The following DNAJA3 variants were observed in gnomAD, a reference collection of about 807,000 sequenced individuals.
The protein encoded by DNAJA3 is dnaJ homolog subfamily A member 3, mitochondrial.
Under a neutral mutation model 54.9 loss-of-function variants are expected in DNAJA3, and 29 were observed. The ratio of observed to expected loss-of-function variants is 0.53; its 90% CI spans 0.39 to 0.72. DNAJA3 has a LOEUF of 0.72. DNAJA3 is among the 30% of genes least tolerant of loss of function. The pLI is 0.00. For synonymous variants in DNAJA3, 302 were observed against 251.4 expected (o/e 1.20, Z -1.90); for missense variants, 708 against 639.4 (o/e 1.11, Z -1.16).
chr16:4,450,360 C>T, intron 9 of DNAJA3, 40 bp from the exon 10 acceptor site: 2 of 1,533,560 alleles, frequency 1.3e-6, no homozygotes, highest in Non-Finnish European at 8.8e-7. Flanking sequence ...CCAAAGCTTC[C>T]CGGCGGAAGC....
intron 1 of DNAJA3, chr16:4,427,407 A>G (rs1210491254): frequency 6.6e-6 from 1 of 152,228 alleles, no homozygotes; most frequent in Non-Finnish European, 1.5e-5. Flanking sequence ...AGTTTGTAAT[A>G]GTTACATAGT....
chr16:4,455,446 C>T (rs187279836), intron 11 of DNAJA3, 100 bp from the exon 12 acceptor site: 7 of 1,435,558 alleles, frequency 4.9e-6, no homozygotes, highest in African/African-American at 1.4e-5. Context: ...TCGCCCCTCT[C>T]TTGGCACAGC....
intron 1 of DNAJA3, among the ~76,000 whole-genome samples, chr16:4,431,309 C>T (rs2056697477): frequency 6.6e-6 from 1 of 152,236 alleles, no homozygotes; most frequent in South Asian, 2.1e-4. Flanking sequence ...TAAGTCAGGT[C>T]TAGTGTTTTC....
At chr16:4,427,998 C>G (rs1392314902) in intron 1 of DNAJA3, among the ~76,000 whole-genome samples, 1 of 151,794 alleles carries the variant, frequency 6.6e-6, no homozygotes, top group Non-Finnish European at 1.5e-5. Context: ...GTTGCCCAGG[C>G]TGGAGTGCAG....
chr16:4,436,190 A>G (rs2056770413), intron 2 of DNAJA3, among the ~76,000 whole-genome samples: 1 of 151,886 alleles, frequency 6.6e-6, no homozygotes, highest in Non-Finnish European at 1.5e-5. Context: ...ATTGGGTTGT[A>G]ATGGAATGAA....
intron 1 of DNAJA3, chr16:4,431,051 G>GA (rs1442360848): frequency 1.3e-5 from 2 of 151,950 alleles, no homozygotes; most frequent in African/African-American, 4.8e-5. Flanking sequence ...CTCAAAAAAA[G>GA]AAAAAACAAA....
chr16:4,434,337 T>G, intron 1 of DNAJA3, 47 bp from the exon 2 acceptor site: 1 of 1,597,534 alleles, frequency 6.3e-7, no homozygotes, highest in Non-Finnish European at 8.5e-7. Flanking sequence ...AGTTTTCTTT[T>G]GTTGAGAACA....
At chr16:4,443,888 G>A (rs145002437) in intron 6 of DNAJA3, among the ~76,000 whole-genome samples, 2 of 152,154 alleles carry the variant, frequency 1.3e-5, no homozygotes, top group East Asian at 1.9e-4. Flanking sequence ...GGGTTTCATC[G>A]TGTTAGCCAG....
intron 10 of DNAJA3, among the ~76,000 whole-genome samples, chr16:4,452,283 C>T (rs566443029): frequency 6.6e-6 from 1 of 152,204 alleles, no homozygotes; most frequent in East Asian, 1.9e-4. Flanking sequence ...TTCCTCAAAC[C>T]CTACAATCAC....
At chr16:4,448,891 G>A (rs200564053) in intron 9 of DNAJA3, 43 bp downstream of exon 9, 43 of 1,467,290 alleles carry the variant, frequency 2.9e-5, no homozygotes, top group Middle Eastern at 1.8e-4. Context: ...CTGGTCCTGC[G>A]GTGGCACTGC....
intron 1 of DNAJA3, among the ~76,000 whole-genome samples, chr16:4,426,379 C>T (rs1399252372): frequency 1.3e-5 from 2 of 152,214 alleles, no homozygotes; most frequent in Admixed American, 6.5e-5. Context: ...GCTCCCTCGT[C>T]CTCTTCCTTT....
At position 4,454,817 on chromosome 16, in the gene DNAJA3, G is replaced by A; in HGVS notation, c.1346G>A (p.Ser449Asn). The A allele has an allele frequency of 1.9e-6, 3 of 1,612,976 alleles. No individual in the cohort carries two copies. Among genetic ancestry groups the A allele is most frequent in the Non-Finnish European group, 2.5e-6 (3 of 1,179,120 alleles). ...TTCTGCTGTTTGTGCCCAGGTGGCA[G>A]CACCATGGATAGCTCCGCAGGAAGC... ...NGVTLTSSGG[S>N]TMDSSAGSKA... is the part of the protein sequence containing the mutation. The change falls in exon 11 of 12, where the codon AGC becomes AAC. Residue 449 changes from serine to asparagine, a missense_variant. Physicochemically the swap from Ser to Asn is conservative, Grantham distance 46. Transcript: ENST00000262375.
At chr16:4,444,534 C>T (rs2056878940) in intron 6 of DNAJA3, 130 bp from the exon 7 acceptor site, 1 of 683,562 alleles carries the variant, frequency 1.5e-6, no homozygotes, top group African/African-American at 1.8e-5. Flanking sequence ...CCAGGTTTCA[C>T]CATGTTGGCC....
chr16:4,443,430 G>C (rs903324296), intron 6 of DNAJA3, among the ~76,000 whole-genome samples: 6 of 152,064 alleles, frequency 3.9e-5, no homozygotes, highest in Non-Finnish European at 7.3e-5. Context: ...TGCCTACTCT[G>C]CTTCTTCCTG....
At chr16:4,426,962 G>C (rs754698662) in intron 1 of DNAJA3, 2 of 151,506 alleles carry the variant, frequency 1.3e-5, no homozygotes, top group Non-Finnish European at 2.9e-5. Context: ...CTGTTGCCCA[G>C]GCCGGAGTGC....
At chr16:4,428,998 C>G (rs1242196323) in intron 1 of DNAJA3, among the ~76,000 whole-genome samples, 1 of 149,732 alleles carries the variant, frequency 6.7e-6, no homozygotes, top group African/African-American at 2.5e-5. Flanking sequence ...AGGCCATTCT[C>G]CTGCCTCAGC....
chr16:4,455,915 T>C lies in DNAJA3; in HGVS notation c.*383T>C, dbSNP rs2057030202. 2.5e-6 allele frequency: 1 copy of C among 396,302 alleles called. No homozygotes were observed. Among genetic ancestry groups the C allele is most frequent in the South Asian group, 5.1e-5 (1 of 19,552 alleles). 24.5% of individuals were successfully genotyped at this position (396,302 alleles called of 1,614,324 possible). ...ACAGCTTAGAAATGAAGCCTTAAGCTGCATCAAGTTACGAAGTGATTAATT... is the reference window on the plus strand; with the variant it reads ...ACAGCTTAGAAATGAAGCCTTAAGCCGCATCAAGTTACGAAGTGATTAATT... On this transcript the variant is annotated 3_prime_UTR_variant, in exon 12 of 12. Transcript: ENST00000262375.
intron 2 of DNAJA3, 45 bp from the exon 3 acceptor site, chr16:4,437,357 G>C: frequency 1.3e-6 from 2 of 1,501,872 alleles, no homozygotes; most frequent in Non-Finnish European, 1.9e-6. Flanking sequence ...CTGGTATTTG[G>C]GGTTCACATT....
chr16:4,454,156 G>C (rs1374240417), intron 10 of DNAJA3, among the ~76,000 whole-genome samples: 2 of 152,194 alleles, frequency 1.3e-5, no homozygotes, highest in African/African-American at 2.4e-5. Context: ...ATGAGATGGA[G>C]TGCCTGTGAC....
Sources: gnomAD v4.1 joint callset for allele counts (sites outside exome capture counted in the v4.1 genomes callset) on GRCh38, gnomAD v4.1.1 for gene constraint, MANE v1.5 for transcripts, NCBI Gene and HGNC (gene_info 2026-07-23, HGNC 2026-07-21) for gene names.